The following ABCC12 variants were observed in gnomAD, a reference collection of about 807,000 sequenced individuals.
ABCC12 encodes ATP binding cassette subfamily C member 12, also known as ATP-binding cassette sub-family C member 12.
ABCC12 carries 142 observed loss-of-function variants against 151.1 expected under a neutral mutation model. That is an observed-to-expected ratio of 0.94 (90% CI 0.82 to 1.08). The LOEUF (loss-of-function observed/expected upper bound fraction) is 1.08. Among genes scored for constraint, ABCC12 ranks in the 50% least tolerant of loss-of-function variants. The pLI is 0.00. For missense variants in ABCC12, 1,638 were observed against 1,691.1 expected, an observed-to-expected ratio of 0.97 and a Z score of 0.55; for synonymous variants, 645 against 646.4, an observed-to-expected ratio of 1.00 and a Z score of 0.03.
chr16:48,108,028 G>T (rs1963556757), intron 19 of ABCC12, among the ~76,000 whole-genome samples: 1 of 151,972 alleles, frequency 6.6e-6, no homozygotes, highest in Non-Finnish European at 1.5e-5. Context: ...AGGAAAGAAA[G>T]AAAGAAAGAA....
intron 4 of ABCC12, among the ~76,000 whole-genome samples, chr16:48,143,595 T>C (rs2150677332): frequency 6.6e-6 from 1 of 152,316 alleles, no homozygotes; most frequent in Admixed American, 6.5e-5. Flanking sequence ...TCTCCACCTG[T>C]CGTGGGAGGG....
At chr16:48,109,610 A>G (rs1048203489) in intron 18 of ABCC12, among the ~76,000 whole-genome samples, 1 of 152,250 alleles carries the variant, frequency 6.6e-6, no homozygotes, top group Non-Finnish European at 1.5e-5. Context: ...ACCTTGCTGA[A>G]TAGAGCCACC....
intron 22 of ABCC12, among the ~76,000 whole-genome samples, chr16:48,102,284 C>T (rs2150602044): frequency 6.6e-6 from 1 of 152,332 alleles, no homozygotes; most frequent in Non-Finnish European, 1.5e-5. Context: ...TGGGCCACTA[C>T]TTCATTTGCA....
rs748116325 is a variant in ABCC12 at position 48,111,627 on chromosome 16, TTC to T, written c.2158_2159del (p.Glu720SerfsTer8). 1.9e-6 allele frequency: 3 copies of T among 1,614,180 alleles called. No individual in the cohort carries two copies. Among genetic ancestry groups the T allele is most frequent in the Non-Finnish European group, 2.5e-6 (3 of 1,180,036 alleles). On this transcript the variant is annotated frameshift_variant, in exon 17 of 31. Coordinates refer to ENST00000311303, the MANE Select transcript of ABCC12 (RefSeq NM_001393797.1). LOFTEE classifies it high-confidence loss of function. ...PEHLYNAAMVEAFKESPAERE... is the reference protein window; with the variant it reads ...PEHLYNAAMVXAFKESPAERE... Reference sequence around the variant, plus strand: ...TCTCAGCAGGGCTCTCCTTGAAGGCTTCCACCATTGCTGCATTGTAAAGGTGT... The same window carrying T: ...TCTCAGCAGGGCTCTCCTTGAAGGCTCACCATTGCTGCATTGTAAAGGTGT...
intron 11 of ABCC12, among the ~76,000 whole-genome samples, chr16:48,127,038 G>A (rs1186383936): frequency 6.6e-6 from 1 of 152,142 alleles, no homozygotes; most frequent in Non-Finnish European, 1.5e-5. Context: ...TGGCACTCAT[G>A]GGACTTAGCT....
intron 11 of ABCC12, among the ~76,000 whole-genome samples, chr16:48,124,959 T>G (rs1020727133): frequency 6.6e-6 from 1 of 152,142 alleles, no homozygotes; most frequent in Non-Finnish European, 1.5e-5. Context: ...GGCACATCTA[T>G]GCTTGCCATG....
chr16:48,119,297 T>C (rs72802144), intron 13 of ABCC12, among the ~76,000 whole-genome samples: 9,156 of 152,338 alleles, frequency 0.06, 350 homozygotes, highest in Non-Finnish European at 0.092. Flanking sequence ...TGGTGCACTG[T>C]CATTTCTGTG....
rs914525712 is a variant in ABCC12 at position 48,128,461 on chromosome 16, T to G, written c.1513A>C (p.Lys505Gln). ...ACACCTGTGCAACACACACCCACCT[T>G]TCTCACCACAAAGCTTATGCTGTGC... ...VLHSISFVVRKGKILGICGNV... is the reference protein window; with the variant it reads ...VLHSISFVVRQGKILGICGNV... The change falls in exon 11 of 31, where the codon AAG becomes CAG. Residue 505 changes from lysine to glutamine, a missense_variant and splice_region_variant. Transcript: ENST00000311303. 2.5e-5 allele frequency: 40 copies of G among 1,613,566 alleles called. No homozygotes were observed. The highest frequency in any genetic ancestry group is 3.1e-5 in the Non-Finnish European group (36 of 1,179,590).
intron 24 of ABCC12, 119 bp downstream of exon 24, chr16:48,096,627 C>A (rs553803646): frequency 1.1e-4 from 118 of 1,050,604 alleles, no homozygotes; most frequent in Non-Finnish European, 1.6e-4. Context: ...CACTAAGCTC[C>A]CTTTCTCATT....
At chr16:48,086,868 G>A in intron 27 of ABCC12, 49 bp from the exon 28 acceptor site, 1 of 1,493,454 alleles carries the variant, frequency 6.7e-7, no homozygotes, top group Non-Finnish European at 9.3e-7. Context: ...CCAAGGACGA[G>A]AGGATGGATG....
In ABCC12 at chr16:48,138,285, A is replaced by G. The variant is rs760255967; in HGVS notation, c.922T>C (p.Cys308Arg). ...GCATACATTTTGATCAGCCTGATGC[A>G]GGTCAGAAACTCATTCATTGTCTGA... ...RVQTMNEFLT[C>R]IRLIKMYAWE... is the part of the protein sequence containing the mutation. The change falls in exon 8 of 31, where the codon TGC (cysteine) becomes CGC (arginine). Residue 308 changes from cysteine (C) to arginine (R), a missense_variant. Physicochemically the swap from Cys to Arg is radical, Grantham distance 180. Transcript: ENST00000311303. 3.7e-6 allele frequency: 6 copies of G among 1,613,778 alleles called. No homozygotes were observed. Among genetic ancestry groups the G allele is most frequent in the Non-Finnish European group, 5.1e-6 (6 of 1,179,814 alleles).
rs1962403727 is a variant in ABCC12, at chr16:48,082,908, AG to A, written c.*806del. On this transcript the variant is annotated 3_prime_UTR_variant, in exon 31 of 31. Coordinates refer to ENST00000311303, the MANE Select transcript of ABCC12 (RefSeq NM_001393797.1). ...ACTGCTTCCATCAGAACCAGCCTCC[AG>A]GTTGGAGAGAAAGCTTTTTGTTTGG... 6.6e-6 allele frequency: 1 copy of A among 152,150 alleles called. No homozygotes were observed. The highest frequency in any genetic ancestry group is 1.5e-5 in the Non-Finnish European group (1 of 68,036). The allele number at this position is 152,150 out of a possible 1,614,324, so 9.4% of individuals were successfully genotyped here. A position where few individuals can be genotyped will look rare whatever the true frequency, so the allele number is the denominator to read the frequency against.
Position 48,107,358 on chromosome 16 carries a change from G to C in ABCC12, c.2439C>G (p.Asn813Lys), listed in dbSNP as rs1276381195. The change falls in exon 20 of 31, where the codon AAC becomes AAG. Residue 813 changes from asparagine (N) to lysine (K), a missense_variant. Transcript: ENST00000311303. ...TGTCCAACCAGAGACCCAGCCACCAGTTGCTGAAGGCAGCGCTGCCAATCA... is the reference window on the plus strand; with the variant it reads ...TGTCCAACCAGAGACCCAGCCACCACTTGCTGAAGGCAGCGCTGCCAATCA... ...LLMIGSAAFS[N>K]WWLGLWLDKG... is the part of the protein sequence containing the mutation. 1.2e-6 allele frequency: 2 copies of C among 1,614,072 alleles called. No homozygotes were observed. Among genetic ancestry groups the C allele is most frequent in the East Asian group, 2.2e-5 (1 of 44,886 alleles).
chr16:48,149,244 C>CA (rs1175912271), intron 2 of ABCC12, among the ~76,000 whole-genome samples: 755 of 64,992 alleles, frequency 0.012, 2 homozygotes, highest in Non-Finnish European at 0.015. Flanking sequence ...GTAGATTAAC[C>CA]AAAAAAAAAA....
intron 21 of ABCC12, 96 bp from the exon 22 acceptor site, chr16:48,104,464 C>A: frequency 8.7e-7 from 1 of 1,152,002 alleles, no homozygotes; most frequent in South Asian, 1.4e-5. Context: ...CAGGGCCTGA[C>A]CTTTTTTCCA....
At chr16:48,113,244 A>G (rs1223883735) in intron 15 of ABCC12, among the ~76,000 whole-genome samples, 1 of 152,166 alleles carries the variant, frequency 6.6e-6, no homozygotes, top group Non-Finnish European at 1.5e-5. Flanking sequence ...TAACAGTTCT[A>G]ACAGCTTGGA....
At chr16:48,113,504 T>C (rs925866733) in intron 15 of ABCC12, among the ~76,000 whole-genome samples, 2 of 152,138 alleles carry the variant, frequency 1.3e-5, no homozygotes, top group African/African-American at 4.8e-5. Flanking sequence ...CTGGGTTGGA[T>C]TTCAGTGGTT....
chr16:48,105,023 C>A, intron 21 of ABCC12, 116 bp downstream of exon 21: 2 of 1,190,920 alleles, frequency 1.7e-6, no homozygotes, highest in Non-Finnish European at 2.4e-6. Flanking sequence ...AGACTGCAAG[C>A]TCTATGAGGG....
intron 9 of ABCC12, among the ~76,000 whole-genome samples, chr16:48,132,497 A>G (rs545728402): frequency 1.5e-4 from 23 of 152,270 alleles, no homozygotes; most frequent in African/African-American, 4.8e-4. Flanking sequence ...TTCTTCCTCT[A>G]TGAACTTGCT....
Sources: allele counts gnomAD v4.1 joint callset (sites outside exome capture counted in the v4.1 genomes callset), GRCh38; gene constraint gnomAD v4.1.1; transcripts MANE v1.5; gene names NCBI Gene and HGNC (gene_info 2026-07-23, HGNC 2026-07-21).